The following PGCKA1 variants were observed in gnomAD, a reference collection of about 807,000 sequenced individuals.
PGCKA1 encodes PDCD10 and GCKIII kinases-associated protein 1.
the PGCKA1 span, among the ~76,000 whole-genome samples, chr4:37,587,450 A>G: frequency 6.6e-6 from 1 of 152,144 alleles, no homozygotes; most frequent in South Asian, 2.1e-4. Context: ...AGTCCCTTTT[A>G]ACTAAGCAAC....
At chr4:37,567,634 G>A in the PGCKA1 span, among the ~76,000 whole-genome samples, 6 of 151,942 alleles carry the variant, frequency 3.9e-5, no homozygotes, top group African/African-American at 9.7e-5. Context: ...AATGCCATCC[G>A]GCTTCACCAG....
the PGCKA1 span, among the ~76,000 whole-genome samples, chr4:37,463,310 C>T: frequency 5.3e-5 from 8 of 152,296 alleles, no homozygotes; most frequent in Middle Eastern, 0.014. Flanking sequence ...TGGCATGTGA[C>T]AAACGCATTT....
At chr4:37,481,919 C>A in the PGCKA1 span, among the ~76,000 whole-genome samples, 7 of 152,284 alleles carry the variant, frequency 4.6e-5, no homozygotes, top group South Asian at 1.4e-3. Context: ...CTCATGAGAT[C>A]TGATGGTTTT....
At chr4:37,586,952 T>C in the PGCKA1 span, among the ~76,000 whole-genome samples, 1 of 152,036 alleles carries the variant, frequency 6.6e-6, no homozygotes, top group African/African-American at 2.4e-5. Context: ...AAGTTTATTC[T>C]CTCCCAGTTC....
chr4:37,562,326 T>TATG, the PGCKA1 span, among the ~76,000 whole-genome samples: 1 of 152,148 alleles, frequency 6.6e-6, no homozygotes, highest in Non-Finnish European at 1.5e-5. Flanking sequence ...TAAGAAGGAA[T>TATG]ATGTACATTT....
the PGCKA1 span, among the ~76,000 whole-genome samples, chr4:37,458,975 G>C: frequency 6.6e-6 from 1 of 152,168 alleles, no homozygotes; most frequent in Non-Finnish European, 1.5e-5. Flanking sequence ...AGACATGTTA[G>C]TCTGGATTAG....
the PGCKA1 span, among the ~76,000 whole-genome samples, chr4:37,586,621 T>C: frequency 6.6e-6 from 1 of 152,126 alleles, no homozygotes; most frequent in Non-Finnish European, 1.5e-5. Flanking sequence ...TTTAAAAAAA[T>C]GGAAGCAGCC....
chr4:37,493,871 T>C, the PGCKA1 span, among the ~76,000 whole-genome samples: 1 of 152,184 alleles, frequency 6.6e-6, no homozygotes, highest in African/African-American at 2.4e-5. Flanking sequence ...AATAATGATC[T>C]CCAGTTCCAT....
chr4:37,478,152 A>T, the PGCKA1 span, among the ~76,000 whole-genome samples: 3 of 78,890 alleles, frequency 3.8e-5, no homozygotes, highest in Admixed American at 2.4e-4. Context: ...ACCCCCCCCC[A>T]CCGCCACTTA....
At chr4:37,587,886 T>C in the PGCKA1 span, among the ~76,000 whole-genome samples, 25 of 152,196 alleles carry the variant, frequency 1.6e-4, no homozygotes, top group South Asian at 4.8e-3. Context: ...GGAGAATCGC[T>C]TGAACCTGGG....
the PGCKA1 span, among the ~76,000 whole-genome samples, chr4:37,526,367 C>T: frequency 6.6e-6 from 1 of 152,124 alleles, no homozygotes; most frequent in Non-Finnish European, 1.5e-5. Context: ...AACACTTGGC[C>T]CGTAGGATTC....
the PGCKA1 span, among the ~76,000 whole-genome samples, chr4:37,547,976 T>A: frequency 1.9e-4 from 19 of 102,522 alleles, no homozygotes; most frequent in East Asian, 3.1e-3. Context: ...AAGTTCTCTT[T>A]AAAAAAAAAA....
the PGCKA1 span, among the ~76,000 whole-genome samples, chr4:37,488,859 C>G: frequency 1.3e-5 from 2 of 152,160 alleles, no homozygotes; most frequent in Non-Finnish European, 2.9e-5. Context: ...CTCCCTTAGT[C>G]CTCCAGTTGA....
chr4:37,564,342 C>T, the PGCKA1 span, among the ~76,000 whole-genome samples: 16 of 150,624 alleles, frequency 1.1e-4, no homozygotes, highest in Non-Finnish European at 1.5e-4. Flanking sequence ...AACATGCAAA[C>T]GGCCAACATT....
the PGCKA1 span, among the ~76,000 whole-genome samples, chr4:37,463,578 CT>C: frequency 6.6e-6 from 1 of 152,172 alleles, no homozygotes; most frequent in African/African-American, 2.4e-5. Flanking sequence ...TCAGGCACTA[CT>C]GTTGATGCCA....
At chr4:37,576,111 G>GT in the PGCKA1 span, among the ~76,000 whole-genome samples, 3 of 151,954 alleles carry the variant, frequency 2.0e-5, no homozygotes, top group Non-Finnish European at 4.4e-5. Context: ...TTTTAGAATT[G>GT]TTTTTTCTAT....
At chr4:37,564,927 T>C in the PGCKA1 span, among the ~76,000 whole-genome samples, 1 of 151,446 alleles carries the variant, frequency 6.6e-6, no homozygotes, top group African/African-American at 2.4e-5. Context: ...TGCCCTGTGC[T>C]CCTATCTGTC....
chr4:37,544,868 T>A, the PGCKA1 span, among the ~76,000 whole-genome samples: 1 of 152,006 alleles, frequency 6.6e-6, no homozygotes. Flanking sequence ...GTTTTTTTGT[T>A]TTTTTTGAGA....
the PGCKA1 span, among the ~76,000 whole-genome samples, chr4:37,592,484 C>A: frequency 6.6e-6 from 1 of 152,152 alleles, no homozygotes; most frequent in Non-Finnish European, 1.5e-5. Context: ...CCTGATCTTA[C>A]CTCAAAGATG....
Sources: allele counts gnomAD v4.1 joint callset (sites outside exome capture counted in the v4.1 genomes callset), GRCh38; gene constraint gnomAD v4.1.1; transcripts MANE v1.5; gene names NCBI Gene and HGNC (gene_info 2026-07-23, HGNC 2026-07-21).